SEC62: variants seen among roughly 807,000 people sequenced by gnomAD.
SEC62 encodes the protein translocation protein SEC62.
SEC62 carries 10 observed loss-of-function variants against 47.5 expected under a neutral mutation model. The ratio of observed to expected loss-of-function variants is 0.21; its 90% CI spans 0.13 to 0.36. The LOEUF (loss-of-function observed/expected upper bound fraction) is 0.36. Ranked by LOEUF, SEC62 falls within the 10% of genes least tolerant of loss-of-function variation. SEC62 has a pLI of 1.00. For missense variants in SEC62, 327 were observed against 464.1 expected (o/e 0.70, Z 2.71); for synonymous variants, 136 against 150.5 (o/e 0.90, Z 0.71).
intron 3 of SEC62, among the ~76,000 whole-genome samples, chr3:169,977,592 A>G (rs533033171): frequency 1.3e-5 from 2 of 152,298 alleles, no homozygotes; most frequent in South Asian, 2.1e-4. Flanking sequence ...TATATTTTTC[A>G]TAATAGATAC....
rs1365339631 is a variant in SEC62, at chr3:169,997,840, G to A, written c.*4777G>A. 6.6e-6 allele frequency: 1 copy of A among 152,192 alleles called. No individual in the cohort carries two copies. Among genetic ancestry groups the A allele is most frequent in the Non-Finnish European group, 1.5e-5 (1 of 68,032 alleles). The allele number at this position is 152,192 out of a possible 1,614,324, so 9.4% of individuals were successfully genotyped here. On this transcript the variant is annotated 3_prime_UTR_variant, in exon 8 of 8. Coordinates refer to ENST00000337002, the MANE Select transcript of SEC62 (RefSeq NM_003262.4). Reference sequence around the variant, plus strand: ...GGAAACGAATTACACTGAAGTGTAAGCTACCAAATAATTTATGATGTGGTA... The same window carrying A: ...GGAAACGAATTACACTGAAGTGTAAACTACCAAATAATTTATGATGTGGTA...
chr3:169,980,487 C>T (rs1231192958), intron 3 of SEC62, among the ~76,000 whole-genome samples: 1 of 152,138 alleles, frequency 6.6e-6, no homozygotes, highest in Non-Finnish European at 1.5e-5. Context: ...ATTTTCAACA[C>T]AATTTGATTG....
chr3:169,984,196 G>A (rs939475724), intron 5 of SEC62, among the ~76,000 whole-genome samples: 5 of 152,124 alleles, frequency 3.3e-5, no homozygotes, highest in African/African-American at 1.2e-4. Context: ...ATCTAGAGTG[G>A]GATTGTGGGG....
At chr3:169,976,625 C>G (rs1397826481) in intron 2 of SEC62, among the ~76,000 whole-genome samples, 1 of 152,156 alleles carries the variant, frequency 6.6e-6, no homozygotes, top group African/African-American at 2.4e-5. Context: ...GGTTTATCTA[C>G]ATATGCTTGT....
chr3:169,986,008 A>G, intron 6 of SEC62, 143 bp downstream of exon 6: 2 of 565,274 alleles, frequency 3.5e-6, no homozygotes, highest in Non-Finnish European at 6.1e-6. Flanking sequence ...CAGAAGATAA[A>G]TAATACACTA....
chr3:169,978,257 C>T (rs1293461357), intron 3 of SEC62, among the ~76,000 whole-genome samples: 4 of 151,696 alleles, frequency 2.6e-5, no homozygotes, highest in Admixed American at 6.6e-5. Context: ...CCAGCCTGGG[C>T]GACAGAGTGA....
chr3:169,978,245 C>T (rs1477821307), intron 3 of SEC62, among the ~76,000 whole-genome samples: 1 of 152,146 alleles, frequency 6.6e-6, no homozygotes, highest in African/African-American at 2.4e-5. Flanking sequence ...CGCCACTGCA[C>T]TCCAGCCTGG....
intron 1 of SEC62, among the ~76,000 whole-genome samples, chr3:169,973,662 CA>C (rs757037480): frequency 0.049 from 5,320 of 108,488 alleles, 282 homozygotes; most frequent in African/African-American, 0.15. Context: ...GACTGCGTCT[CA>C]AAAAAAAAAA....
In SEC62 at chr3:169,998,113, T is replaced by C. The variant is rs1715430515; in HGVS notation, c.*5050T>C. On this transcript the variant is annotated 3_prime_UTR_variant, in exon 8 of 8. Coordinates refer to ENST00000337002, the MANE Select transcript of SEC62 (RefSeq NM_003262.4). ...AGTTAATTTTTCCCATCCAAGTTCA[T>C]GTATCTTCTGAATTCTATCCGTGAA... 6.6e-6 allele frequency: 1 copy of C among 152,246 alleles called. No individual in the cohort carries two copies. Among genetic ancestry groups the C allele is most frequent in the African/African-American group, 2.4e-5 (1 of 41,470 alleles). 9.4% of individuals were successfully genotyped at this position (152,246 alleles called of 1,614,324 possible).
chr3:169,977,305 CAT>C (rs1172974009), intron 3 of SEC62, among the ~76,000 whole-genome samples: 2 of 152,090 alleles, frequency 1.3e-5, no homozygotes, highest in Non-Finnish European at 2.9e-5. Context: ...CAACAAAAGT[CAT>C]ATACCAGTGC....
chr3:169,975,013 G>A (rs940663132), intron 1 of SEC62, among the ~76,000 whole-genome samples: 1 of 152,148 alleles, frequency 6.6e-6, no homozygotes, highest in Non-Finnish European at 1.5e-5. Flanking sequence ...GGTGACGATG[G>A]CTCACGCCTG....
In SEC62 at chr3:169,976,993, A is replaced by G; in HGVS notation, c.193A>G (p.Lys65Glu). ...TTTGGATTCAAAGTGGGCAAAGGCC[A>G]AGAAAGGAGAGGAAGCTTTATTTAC... ...CLLDSKWAKAKKGEEALFTTR... is the reference protein window; with the variant it reads ...CLLDSKWAKAEKGEEALFTTR... The change falls in exon 3 of 8, where the codon AAG becomes GAG. Residue 65 changes from lysine (K) to glutamate (E), a missense_variant. Transcript: ENST00000337002. 4 of 1,611,460 alleles carry G rather than the reference A, an allele frequency of 2.5e-6. No homozygotes were observed. The highest frequency in any genetic ancestry group is 3.4e-6 in the Non-Finnish European group (4 of 1,178,266).
chr3:169,967,084 G>T (rs918184774), intron 1 of SEC62, among the ~76,000 whole-genome samples: 1 of 152,208 alleles, frequency 6.6e-6, no homozygotes, highest in Non-Finnish European at 1.5e-5. Flanking sequence ...GAGCAGCAGG[G>T]GAAGGAAGGA....
chr3:169,986,074 A>C (rs1260390178), intron 6 of SEC62, among the ~76,000 whole-genome samples: 1 of 152,210 alleles, frequency 6.6e-6, no homozygotes, highest in African/African-American at 2.4e-5. Context: ...AACTGATAGA[A>C]AAATGGTCAA....
intron 6 of SEC62, among the ~76,000 whole-genome samples, chr3:169,987,275 C>G (rs886180932): frequency 3.3e-5 from 5 of 152,060 alleles, no homozygotes; most frequent in African/African-American, 9.6e-5. Context: ...AAAAATTAGC[C>G]GGGTGTGGTG....
intron 1 of SEC62, among the ~76,000 whole-genome samples, chr3:169,975,253 C>T (rs1450829925): frequency 6.7e-6 from 1 of 148,602 alleles, no homozygotes; most frequent in Non-Finnish European, 1.5e-5. Context: ...TGCACTCTAG[C>T]CTAGGCAACA....
At chr3:169,974,299 T>C (rs767482804) in intron 1 of SEC62, among the ~76,000 whole-genome samples, 14 of 152,260 alleles carry the variant, frequency 9.2e-5, no homozygotes, top group Non-Finnish European at 1.6e-4. Context: ...TGTATTGTGC[T>C]TAAGCATGCA....
chr3:169,990,503 A>G lies in SEC62; in HGVS notation c.731-2091A>G, dbSNP rs17217370. Among the ~76,000 whole-genome samples, 1,002 of 152,258 alleles carry G rather than the reference A, an allele frequency of 6.6e-3. 41 individuals are homozygous for G. The East Asian group carries it at 0.13, about 20-fold the overall frequency. On this transcript the variant is annotated intron_variant, in intron 7 of 7. Transcript: ENST00000337002. ...GCCACATAGCGAAAAACTGTAAAACATGAACATTTTGCCATACCATTTGTA... is the reference window on the plus strand; with the variant it reads ...GCCACATAGCGAAAAACTGTAAAACGTGAACATTTTGCCATACCATTTGTA...
At chr3:169,990,268 ATTTTT>A (rs897352066) in intron 7 of SEC62, among the ~76,000 whole-genome samples, 3 of 147,618 alleles carry the variant, frequency 2.0e-5, no homozygotes, top group Non-Finnish European at 4.5e-5. Context: ...TGCCTAGCTA[ATTTTT>A]TTTTTTAAAG....
Sources: gnomAD v4.1 joint callset for allele counts (sites outside exome capture counted in the v4.1 genomes callset) on GRCh38, gnomAD v4.1.1 for gene constraint, MANE v1.5 for transcripts, NCBI Gene and HGNC (gene_info 2026-07-23, HGNC 2026-07-21) for gene names.